The following SORCS2 variants were observed in gnomAD, a reference collection of about 807,000 sequenced individuals.
SORCS2 encodes sortilin related VPS10 domain containing receptor 2.
Under a neutral mutation model 141.6 loss-of-function variants are expected in SORCS2, and 100 were observed. That is an observed-to-expected ratio of 0.71 (90% CI 0.60 to 0.83). The LOEUF (loss-of-function observed/expected upper bound fraction) is 0.83. Among genes scored for constraint, SORCS2 ranks in the 40% least tolerant of loss-of-function variants. The pLI is 0.00. For synonymous variants in SORCS2, 789 were observed against 676.9 expected (o/e 1.17, Z -2.57); for missense variants, 1,646 against 1,560.2 (o/e 1.05, Z -0.93).
Position 7,742,578 on chromosome 4 carries a change from A to T in SORCS2, c.*2314A>T, listed in dbSNP as rs1187881609. ...CCCAAGCACCTGGGAAGGAGGTGGC[A>T]TCTGAGACAGCCTGATACGTTCCCG... On this transcript the variant is annotated 3_prime_UTR_variant, in exon 27 of 27. Transcript: ENST00000507866. 1.3e-5 allele frequency: 2 copies of T among 152,182 alleles called. No homozygotes were observed. The highest frequency in any genetic ancestry group is 2.9e-5 in the Non-Finnish European group (2 of 68,042). The allele number at this position is 152,182 out of a possible 1,614,324, so 9.4% of individuals were successfully genotyped here. A position where few individuals can be genotyped will look rare whatever the true frequency, so the allele number is the denominator to read the frequency against.
chr4:7,677,617 C>G (rs1385685324), intron 9 of SORCS2, among the ~76,000 whole-genome samples: 1 of 152,176 alleles, frequency 6.6e-6, no homozygotes, highest in Non-Finnish European at 1.5e-5. Flanking sequence ...GCCAGTAGAC[C>G]CTGGGCAGGC....
rs570360613 is a variant in SORCS2, at chr4:7,212,135, T to G, written c.480+19009T>G. The stretch of plus-strand genomic sequence containing the variant: ...TGTAGGAGGGCTGCAGAGGAAGTCT[T>G]TCCTTGACTCTGCCTTTGGAAGTTG... On this transcript the variant is annotated intron_variant, in intron 1 of 26. Transcript: ENST00000507866. Among the ~76,000 whole-genome samples, 23 of 152,140 alleles carry G rather than the reference T, an allele frequency of 1.5e-4. No individual in the cohort carries two copies. The South Asian group carries it at 4.8e-3, about 32-fold the overall frequency.
chr4:7,248,859 T>C (rs1195771701), intron 1 of SORCS2, among the ~76,000 whole-genome samples: 1 of 152,172 alleles, frequency 6.6e-6, no homozygotes, highest in Non-Finnish European at 1.5e-5. Context: ...GGTATGAGGA[T>C]AGCTCAGGGG....
At chr4:7,246,740 C>T (rs1437625414) in intron 1 of SORCS2, among the ~76,000 whole-genome samples, 2 of 152,204 alleles carry the variant, frequency 1.3e-5, no homozygotes, top group East Asian at 1.9e-4. Flanking sequence ...CGAGCCTTCC[C>T]TTCCCTGGTG....
At chr4:7,711,362 T>A (rs1219333900) in intron 14 of SORCS2, among the ~76,000 whole-genome samples, 5 of 152,188 alleles carry the variant, frequency 3.3e-5, no homozygotes. Context: ...CTCCCTAGAA[T>A]GGGGTTGTCC....
At chr4:7,467,149 C>T (rs928983612) in intron 2 of SORCS2, among the ~76,000 whole-genome samples, 17 of 152,188 alleles carry the variant, frequency 1.1e-4, no homozygotes, top group African/African-American at 4.1e-4. Context: ...TTTTCCTGGC[C>T]AGAGCATGCC....
intron 8 of SORCS2, among the ~76,000 whole-genome samples, chr4:7,669,011 C>T (rs1722653962): frequency 6.6e-6 from 1 of 152,170 alleles, no homozygotes; most frequent in South Asian, 2.1e-4. Context: ...ACCTCTGTGA[C>T]CTTGAGCGAT....
At chr4:7,581,775 G>A (rs1395402753) in intron 3 of SORCS2, among the ~76,000 whole-genome samples, 2 of 152,148 alleles carry the variant, frequency 1.3e-5, no homozygotes, top group Non-Finnish European at 2.9e-5. Context: ...CCAGAAACCC[G>A]TCCAGAGTCT....
At chr4:7,357,400 C>T (rs552887958) in intron 1 of SORCS2, among the ~76,000 whole-genome samples, 1 of 152,314 alleles carries the variant, frequency 6.6e-6, no homozygotes, top group East Asian at 1.9e-4. Flanking sequence ...TAGGCACTGG[C>T]AGCTTGTCTG....
intron 20 of SORCS2, among the ~76,000 whole-genome samples, chr4:7,726,274 G>A (rs1428466038): frequency 6.6e-6 from 1 of 152,328 alleles, no homozygotes; most frequent in Non-Finnish European, 1.5e-5. Flanking sequence ...GCCCGTGGGG[G>A]GCAGGCCTGG....
chr4:7,611,314 A>C (rs1334094706), intron 3 of SORCS2, among the ~76,000 whole-genome samples: 1 of 152,180 alleles, frequency 6.6e-6, no homozygotes, highest in African/African-American at 2.4e-5. Flanking sequence ...CCATGAAGCC[A>C]GAGAGACCAG....
intron 1 of SORCS2, among the ~76,000 whole-genome samples, chr4:7,207,764 C>G (rs1727831796): frequency 6.6e-6 from 1 of 152,180 alleles, no homozygotes; most frequent in Non-Finnish European, 1.5e-5. Flanking sequence ...TAAAGTGGAA[C>G]AAAGCCCAGC....
intron 3 of SORCS2, among the ~76,000 whole-genome samples, chr4:7,588,393 T>C (rs920056473): frequency 8.5e-4 from 130 of 152,292 alleles, no homozygotes; most frequent in Middle Eastern, 3.4e-3. Flanking sequence ...CCTCTTGTAA[T>C]TGGAAATCCC....
intron 1 of SORCS2, among the ~76,000 whole-genome samples, chr4:7,238,619 G>A (rs1712462886): frequency 6.6e-6 from 1 of 152,212 alleles, no homozygotes; most frequent in Admixed American, 6.5e-5. Flanking sequence ...AGTGGGGATG[G>A]TGGAAGCCAG....
intron 1 of SORCS2, among the ~76,000 whole-genome samples, chr4:7,217,222 C>G (rs1459128756): frequency 1.3e-5 from 2 of 152,166 alleles, no homozygotes; most frequent in African/African-American, 2.4e-5. Context: ...AACCTTCCAT[C>G]TCACCCCCGC....
chr4:7,433,374 C>G (rs373713228), intron 2 of SORCS2: 1 of 1,471,314 alleles, frequency 6.8e-7, no homozygotes. Context: ...GGCAGTGTTG[C>G]ACAGCGTTGC....
intron 2 of SORCS2, among the ~76,000 whole-genome samples, chr4:7,397,161 A>G (rs749694152): frequency 7.9e-5 from 12 of 152,188 alleles, no homozygotes; most frequent in Non-Finnish European, 1.6e-4. Context: ...AGATGCCTCT[A>G]CCTGCTGATC....
intron 2 of SORCS2, among the ~76,000 whole-genome samples, chr4:7,459,717 A>G (rs1352495516): frequency 6.6e-6 from 1 of 152,146 alleles, no homozygotes; most frequent in African/African-American, 2.4e-5. Context: ...CAAGTGTCCC[A>G]TCTCCAGACA....
intron 1 of SORCS2, among the ~76,000 whole-genome samples, chr4:7,290,584 G>C (rs142861202): frequency 2.2e-4 from 34 of 152,326 alleles, no homozygotes; most frequent in African/African-American, 7.9e-4. Flanking sequence ...AGGGTTTGCA[G>C]TGAACCATAC....
Sources: allele counts gnomAD v4.1 joint callset (sites outside exome capture counted in the v4.1 genomes callset), GRCh38; gene constraint gnomAD v4.1.1; transcripts MANE v1.5; gene names NCBI Gene and HGNC (gene_info 2026-07-23, HGNC 2026-07-21).